Variants in NRXN3 observed in about 807,000 individuals in gnomAD.
The protein encoded by NRXN3 is neurexin 3.
Under a neutral mutation model 137.6 loss-of-function variants are expected in NRXN3, and 32 were observed. The ratio of observed to expected loss-of-function variants is 0.23; its 90% CI spans 0.18 to 0.31. The LOEUF is 0.31. NRXN3 is among the 10% of genes least tolerant of loss of function. The pLI is 1.00. For synonymous variants in NRXN3, 798 were observed against 784.5 expected (o/e 1.02, Z -0.29); for missense variants, 1,574 against 2,062.5 (o/e 0.76, Z 4.59).
chr14:79,062,570 G>A (rs781371835), intron 15 of NRXN3, among the ~76,000 whole-genome samples: 1 of 152,168 alleles, frequency 6.6e-6, no homozygotes, highest in Non-Finnish European at 1.5e-5. Flanking sequence ...ACTCGTTAGG[G>A]ATGAGGGAGC....
At chr14:78,538,590 T>C (rs1230717451) in intron 4 of NRXN3, among the ~76,000 whole-genome samples, 1 of 152,236 alleles carries the variant, frequency 6.6e-6, no homozygotes, top group African/African-American at 2.4e-5. Context: ...CATTGTGTAA[T>C]TGAATACAGT....
At chr14:79,634,872 TAAG>T (rs1219649739) in intron 16 of NRXN3, among the ~76,000 whole-genome samples, 1 of 152,246 alleles carries the variant, frequency 6.6e-6, no homozygotes, top group Non-Finnish European at 1.5e-5. Context: ...TCTGTAATTC[TAAG>T]ATCGACCTTT....
intron 15 of NRXN3, among the ~76,000 whole-genome samples, chr14:79,382,037 G>C (rs1316821763): frequency 1.3e-4 from 20 of 152,106 alleles, no homozygotes; most frequent in Admixed American, 1.2e-3. Context: ...TATAATTTTG[G>C]CTTCACCACA....
At chr14:79,379,000 A>G (rs1271101609) in intron 15 of NRXN3, among the ~76,000 whole-genome samples, 1 of 152,074 alleles carries the variant, frequency 6.6e-6, no homozygotes, top group East Asian at 1.9e-4. Context: ...ACGTTGTGTT[A>G]TCTTTCTGCT....
At chr14:79,092,821 G>A (rs1402020509) in intron 15 of NRXN3, among the ~76,000 whole-genome samples, 1 of 151,996 alleles carries the variant, frequency 6.6e-6, no homozygotes, top group Non-Finnish European at 1.5e-5. Context: ...GAGACCCTTG[G>A]GTCTCCTTTC....
At chr14:78,553,483 T>A (rs553362227) in intron 4 of NRXN3, among the ~76,000 whole-genome samples, 70 of 152,244 alleles carry the variant, frequency 4.6e-4, no homozygotes, top group Middle Eastern at 6.8e-3. Context: ...CAAAGCTTTG[T>A]TCCCCCCTGC....
intron 4 of NRXN3, among the ~76,000 whole-genome samples, chr14:78,643,609 G>A (rs1446327555): frequency 6.6e-6 from 1 of 152,102 alleles, no homozygotes; most frequent in African/African-American, 2.4e-5. Context: ...AGAGTTTTTG[G>A]ATTCCTTGGA....
chr14:78,385,463 G>A (rs548608012), intron 4 of NRXN3, among the ~76,000 whole-genome samples: 1 of 152,130 alleles, frequency 6.6e-6, no homozygotes, highest in African/African-American at 2.4e-5. Context: ...TAAAAATAGT[G>A]TTCTATTGAC....
At chr14:78,320,822 G>A (rs2079246832) in intron 4 of NRXN3, among the ~76,000 whole-genome samples, 1 of 152,160 alleles carries the variant, frequency 6.6e-6, no homozygotes, top group Non-Finnish European at 1.5e-5. Flanking sequence ...TCTCACCTAA[G>A]ATCACCCAGC....
At chr14:78,901,668 C>A (rs1212933235) in intron 10 of NRXN3, among the ~76,000 whole-genome samples, 2 of 152,012 alleles carry the variant, frequency 1.3e-5, no homozygotes, top group African/African-American at 4.8e-5. Context: ...GTGTTAATGA[C>A]AGGTAAGGAA....
chr14:78,233,773 C>A (rs2065803050), intron 1 of NRXN3, among the ~76,000 whole-genome samples: 1 of 151,348 alleles, frequency 6.6e-6, no homozygotes, highest in Admixed American at 6.6e-5. Flanking sequence ...AGCCCAAACA[C>A]CCTGACACCT....
At chr14:79,686,075 C>T (rs977184924) in intron 17 of NRXN3, among the ~76,000 whole-genome samples, 14 of 151,782 alleles carry the variant, frequency 9.2e-5, no homozygotes, top group African/African-American at 2.9e-4. Flanking sequence ...GGGTGGATCA[C>T]GAGGTCAGGA....
chr14:79,613,287 G>A (rs2098122805), intron 16 of NRXN3, among the ~76,000 whole-genome samples: 3 of 152,198 alleles, frequency 2.0e-5, no homozygotes. Context: ...GATAAAATTT[G>A]GGGCATTTAT....
At chr14:78,258,614 C>A (rs2070109951) in intron 2 of NRXN3, among the ~76,000 whole-genome samples, 1 of 152,018 alleles carries the variant, frequency 6.6e-6, no homozygotes, top group Admixed American at 6.5e-5. Context: ...ATAAGATAGA[C>A]TATAGCAGAT....
intron 15 of NRXN3, among the ~76,000 whole-genome samples, chr14:79,158,222 T>C (rs1247086525): frequency 1.3e-5 from 2 of 151,324 alleles, no homozygotes; most frequent in Non-Finnish European, 2.9e-5. Context: ...TCAAAACCAA[T>C]GTTCACCTTA....
chr14:78,208,102 C>T (rs533888392), intron 1 of NRXN3, among the ~76,000 whole-genome samples: 37 of 152,068 alleles, frequency 2.4e-4, no homozygotes, highest in African/African-American at 3.1e-4. Context: ...ATAAAATGGG[C>T]GATAATATTA....
intron 15 of NRXN3, among the ~76,000 whole-genome samples, chr14:79,275,380 C>G (rs1391420652): frequency 6.6e-6 from 1 of 152,116 alleles, no homozygotes; most frequent in Non-Finnish European, 1.5e-5. Context: ...GGTTCTGATG[C>G]TTTCTGGTCT....
chr14:79,528,537 A>ATG (rs767552999), intron 16 of NRXN3, among the ~76,000 whole-genome samples: 4 of 152,244 alleles, frequency 2.6e-5, no homozygotes, highest in Non-Finnish European at 5.9e-5. Flanking sequence ...GGAATGATAT[A>ATG]TGTGTGTGTA....
At chr14:78,332,117 A>G (rs185972481) in intron 4 of NRXN3, among the ~76,000 whole-genome samples, 85 of 152,262 alleles carry the variant, frequency 5.6e-4, no homozygotes, top group African/African-American at 2.0e-3. Flanking sequence ...CTAAAAAGGG[A>G]GTAATAATGA....
Sources: gnomAD v4.1 joint callset for allele counts (sites outside exome capture counted in the v4.1 genomes callset) on GRCh38, gnomAD v4.1.1 for gene constraint, MANE v1.5 for transcripts, NCBI Gene and HGNC (gene_info 2026-07-23, HGNC 2026-07-21) for gene names.